The following EIF1AY variants were observed in gnomAD, a reference collection of about 807,000 sequenced individuals.
The protein encoded by EIF1AY is eukaryotic translation initiation factor 1A, Y-chromosomal.
For missense variants in EIF1AY, 19 were observed against 30.6 expected (o/e 0.62, Z 0.89); for synonymous variants, 16 against 9.9 (o/e 1.62, Z -1.16).
intron 1 of EIF1AY, 28 bp from the exon 2 acceptor site, chrY:20,579,580 T>C (rs755368276): frequency 3.4e-6 from 1 of 293,298 alleles, no homozygotes; most frequent in South Asian, 3.8e-5. Flanking sequence ...TTTACATTAA[T>C]TTTTTATCTA....
intron 2 of EIF1AY, among the ~76,000 whole-genome samples, chrY:20,581,339 T>TCCCC (rs2089350537): frequency 3.0e-5 from 1 of 33,000 alleles, no homozygotes; most frequent in African/African-American, 1.2e-4. Flanking sequence ...TTTTTTTTGT[T>TCCCC]TGTTTTTTTT....
intron 1 of EIF1AY, among the ~76,000 whole-genome samples, chrY:20,577,002 T>C (rs1603578918): frequency 3.0e-5 from 1 of 33,867 alleles, no homozygotes; most frequent in East Asian, 7.6e-4. Flanking sequence ...TTAGAAAGAG[T>C]TAGCAAAGGC....
chrY:20,584,430 AT>A (rs1199725260), intron 3 of EIF1AY, 43 bp from the exon 4 acceptor site: 1 of 194,524 alleles, frequency 5.1e-6, no homozygotes, highest in East Asian at 1.2e-4. Flanking sequence ...TCTTTTTATT[AT>A]TTGTTTTTAT....
chrY:20,583,194 T>C, intron 3 of EIF1AY, among the ~76,000 whole-genome samples: 1 of 32,969 alleles, frequency 3.0e-5, no homozygotes, highest in African/African-American at 1.2e-4. Flanking sequence ...AAGTCTCTAC[T>C]ACTCAGATTT....
intron 5 of EIF1AY, 27 bp downstream of exon 5, chrY:20,588,132 C>T (rs1254082081): frequency 3.5e-6 from 1 of 286,638 alleles, no homozygotes. Context: ...TTTATCTCCT[C>T]ATTATTTGAT....
chrY:20,580,000 G>A, intron 2 of EIF1AY, among the ~76,000 whole-genome samples: 2 of 30,413 alleles, frequency 6.6e-5, no homozygotes, highest in Non-Finnish European at 1.6e-4. Flanking sequence ...TTTGGAAAGC[G>A]AGGTGGGTGG....
chrY:20,592,019 C>T (rs2089359375), intron 6 of EIF1AY, among the ~76,000 whole-genome samples: 1 of 33,421 alleles, frequency 3.0e-5, no homozygotes, highest in Non-Finnish European at 7.4e-5. Context: ...AATTTGGTTA[C>T]GACCATATTT....
At chrY:20,582,067 A>G (rs985480494) in intron 2 of EIF1AY, among the ~76,000 whole-genome samples, 1 of 34,208 alleles carries the variant, frequency 2.9e-5, no homozygotes, top group Non-Finnish European at 7.3e-5. Flanking sequence ...AAATAAAGTT[A>G]GAATATGTGT....
chrY:20,577,830 CA>C (rs763648696), intron 1 of EIF1AY, among the ~76,000 whole-genome samples: 2 of 2,194 alleles, frequency 9.1e-4, no homozygotes, highest in African/African-American at 1.8e-3. Context: ...GACTACGTCT[CA>C]AAAAAAAAAA....
chrY:20,588,284 A>G, intron 5 of EIF1AY, 179 bp downstream of exon 5: 2 of 80,511 alleles, frequency 2.5e-5, no homozygotes, highest in South Asian at 3.6e-4. Flanking sequence ...AAAGATATTA[A>G]TAACTGGAAA....
At chrY:20,579,419 G>A (rs2089348826) in intron 1 of EIF1AY, among the ~76,000 whole-genome samples, 189 bp from the exon 2 acceptor site, 1 of 32,699 alleles carries the variant, frequency 3.1e-5, no homozygotes, top group Admixed American at 2.8e-4. Flanking sequence ...TGTTAATGAG[G>A]TAATATTAAT....
At chrY:20,580,028 G>T in intron 2 of EIF1AY, among the ~76,000 whole-genome samples, 2 of 27,930 alleles carry the variant, frequency 7.2e-5, no homozygotes, top group Non-Finnish European at 1.7e-4. Context: ...GAAGCTACGA[G>T]TTTGACACTA....
intron 5 of EIF1AY, 190 bp downstream of exon 5, chrY:20,588,295 T>G (rs984193927): frequency 1.6e-4 from 12 of 76,161 alleles, no homozygotes; most frequent in Admixed American, 1.3e-3. Context: ...TAACTGGAAA[T>G]CTCTAATAAA....
chrY:20,591,004 T>G, intron 6 of EIF1AY, among the ~76,000 whole-genome samples: 1 of 33,548 alleles, frequency 3.0e-5, no homozygotes, highest in Non-Finnish European at 7.4e-5. Flanking sequence ...TATATATGCA[T>G]TTATAAATTT....
chrY:20,577,977 T>G, intron 1 of EIF1AY, among the ~76,000 whole-genome samples: 1 of 32,411 alleles, frequency 3.1e-5, no homozygotes, highest in East Asian at 7.9e-4. Context: ...CCATCCTGAA[T>G]TGAATGTTTT....
At chrY:20,578,519 T>C in intron 1 of EIF1AY, among the ~76,000 whole-genome samples, 1 of 33,649 alleles carries the variant, frequency 3.0e-5, no homozygotes, top group Non-Finnish European at 7.4e-5. Flanking sequence ...GAATGTGTTT[T>C]CCTTTGTAGA....
At chrY:20,578,010 T>C in intron 1 of EIF1AY, among the ~76,000 whole-genome samples, 1 of 32,060 alleles carries the variant, frequency 3.1e-5, no homozygotes, top group Non-Finnish European at 7.6e-5. Context: ...AAATTAGTGT[T>C]ATCTTCTGGG....
At position 20,581,493 on chromosome Y, in the gene EIF1AY, G is replaced by A; in HGVS notation, c.101-1097G>A. ...ATTAGAGGTGTGTGACACCATGCCC[G>A]GCTAATTTTTGTATTTTTAGTAGAG... On this transcript the variant is annotated intron_variant, in intron 2 of 6. Transcript: ENST00000361365. Among the ~76,000 whole-genome samples the A allele has an allele frequency of 2.8e-4, 9 of 31,901 alleles. No individual in the cohort carries two copies. In the South Asian group the frequency reaches 6.6e-3, roughly 23 times the overall value. The allele number at this position is 31,901 out of a possible 37,273, so 85.6% of individuals were successfully genotyped here.
intron 2 of EIF1AY, among the ~76,000 whole-genome samples, chrY:20,580,817 G>A (rs2089350124): frequency 3.0e-5 from 1 of 33,624 alleles, no homozygotes; most frequent in African/African-American, 1.2e-4. Flanking sequence ...ATGTAATACT[G>A]TTATCTGCTT....
Sources: gnomAD v4.1 joint callset for allele counts (sites outside exome capture counted in the v4.1 genomes callset) on GRCh38, gnomAD v4.1.1 for gene constraint, MANE v1.5 for transcripts, NCBI Gene and HGNC (gene_info 2026-07-23, HGNC 2026-07-21) for gene names.